ARB2A: variants seen among roughly 807,000 people sequenced by gnomAD.
ARB2A encodes the protein ARB2 cotranscriptional regulator A.
the ARB2A span, among the ~76,000 whole-genome samples, chr5:94,096,075 T>C: frequency 1.3e-5 from 2 of 152,240 alleles, no homozygotes; most frequent in Admixed American, 6.5e-5. Context: ...CAGCAGAGTG[T>C]ATTAAACCAA....
At chr5:93,632,570 G>T in the ARB2A span, among the ~76,000 whole-genome samples, 1 of 152,138 alleles carries the variant, frequency 6.6e-6, no homozygotes, top group East Asian at 1.9e-4. Context: ...TTTTAATCAG[G>T]GGAGAAATAT....
At chr5:93,952,742 C>T in the ARB2A span, among the ~76,000 whole-genome samples, 1 of 152,050 alleles carries the variant, frequency 6.6e-6, no homozygotes, top group Non-Finnish European at 1.5e-5. Flanking sequence ...TGTTACTTTC[C>T]TTTTGAAAAA....
chr5:93,979,841 T>C, the ARB2A span, among the ~76,000 whole-genome samples: 1 of 152,118 alleles, frequency 6.6e-6, no homozygotes, highest in Non-Finnish European at 1.5e-5. Context: ...TGATATATTC[T>C]GGTTCTATTC....
the ARB2A span, among the ~76,000 whole-genome samples, chr5:93,692,341 GAAAACA>G: frequency 2.6e-5 from 4 of 151,888 alleles, no homozygotes; most frequent in East Asian, 5.8e-4. Flanking sequence ...TATTTACCAA[GAAAACA>G]AAAACAAAAA....
chr5:93,652,281 C>T, the ARB2A span, among the ~76,000 whole-genome samples: 1 of 152,122 alleles, frequency 6.6e-6, no homozygotes, highest in African/African-American at 2.4e-5. Context: ...GTAGTTCTTT[C>T]CATCATTGGC....
the ARB2A span, chr5:93,620,714 C>G: frequency 9.1e-6 from 3 of 328,112 alleles, no homozygotes; most frequent in African/African-American, 2.1e-5. Flanking sequence ...CCGGCCGAGC[C>G]AGGCAGGGCG....
the ARB2A span, among the ~76,000 whole-genome samples, chr5:93,808,395 A>G: frequency 6.7e-6 from 1 of 149,048 alleles, no homozygotes; most frequent in African/African-American, 2.5e-5. Flanking sequence ...AGAACAGGAA[A>G]TAATCTAAAA....
chr5:93,885,094 A>G, the ARB2A span, among the ~76,000 whole-genome samples: 1 of 151,594 alleles, frequency 6.6e-6, no homozygotes, highest in Non-Finnish European at 1.5e-5. Flanking sequence ...TTTAAATTGA[A>G]TAATATCAAC....
chr5:94,076,133 G>A, the ARB2A span, among the ~76,000 whole-genome samples: 136 of 151,936 alleles, frequency 9.0e-4, no homozygotes, highest in African/African-American at 3.2e-3. Flanking sequence ...TAACATCTCC[G>A]TGGCCAGTCA....
chr5:93,939,063 G>T, the ARB2A span, among the ~76,000 whole-genome samples: 2 of 152,106 alleles, frequency 1.3e-5, no homozygotes, highest in East Asian at 3.8e-4. Context: ...ATATTTTCAA[G>T]ACCAATTCAT....
At chr5:94,077,030 A>C in the ARB2A span, among the ~76,000 whole-genome samples, 270 of 152,292 alleles carry the variant, frequency 1.8e-3, 3 homozygotes, top group Middle Eastern at 0.014. Context: ...GTTTTATATG[A>C]GACAACCTAA....
At chr5:93,694,775 C>G in the ARB2A span, among the ~76,000 whole-genome samples, 3 of 152,162 alleles carry the variant, frequency 2.0e-5, no homozygotes, top group Admixed American at 1.3e-4. Flanking sequence ...ATCACGCTAC[C>G]TGATTTCAAA....
the ARB2A span, among the ~76,000 whole-genome samples, chr5:93,818,686 C>G: frequency 6.6e-6 from 1 of 151,866 alleles, no homozygotes; most frequent in East Asian, 1.9e-4. Flanking sequence ...AAGACTATAC[C>G]TACAAGGGTG....
the ARB2A span, among the ~76,000 whole-genome samples, chr5:94,099,620 G>A: frequency 2.0e-4 from 16 of 78,770 alleles, no homozygotes; most frequent in Admixed American, 1.9e-3. Context: ...AGATGACTCC[G>A]TCTCAAAAAA....
At chr5:94,011,141 C>T in the ARB2A span, among the ~76,000 whole-genome samples, 1 of 152,210 alleles carries the variant, frequency 6.6e-6, no homozygotes, top group Admixed American at 6.5e-5. Flanking sequence ...ATATCCTTCA[C>T]ATGGCTTTAA....
chr5:93,621,922 G>C, the ARB2A span, among the ~76,000 whole-genome samples: 1 of 152,166 alleles, frequency 6.6e-6, no homozygotes, highest in Non-Finnish European at 1.5e-5. Flanking sequence ...TTATCAGGAG[G>C]AATTCAACTT....
At chr5:93,741,156 C>T in the ARB2A span, 11 of 1,613,912 alleles carry the variant, frequency 6.8e-6, 1 homozygote, top group African/African-American at 8.0e-5. Context: ...GGCTCAACCT[C>T]TTCTGCCTCA....
the ARB2A span, among the ~76,000 whole-genome samples, chr5:93,674,081 G>C: frequency 1.3e-5 from 2 of 152,106 alleles, no homozygotes. Flanking sequence ...GTTATAATCA[G>C]ACAAGACATA....
chr5:93,698,473 T>G, the ARB2A span, among the ~76,000 whole-genome samples: 1 of 151,902 alleles, frequency 6.6e-6, no homozygotes, highest in Non-Finnish European at 1.5e-5. Context: ...GAAGAAGGGA[T>G]AGAAATGCAG....
Sources: gnomAD v4.1 joint callset for allele counts (sites outside exome capture counted in the v4.1 genomes callset) on GRCh38, gnomAD v4.1.1 for gene constraint, MANE v1.5 for transcripts, NCBI Gene and HGNC (gene_info 2026-07-23, HGNC 2026-07-21) for gene names.